EBF3: variants seen among roughly 807,000 people sequenced by gnomAD.
EBF3 encodes the protein EBF transcription factor 3, also known as transcription factor COE3.
A neutral mutation model predicts 77.1 loss-of-function variants in EBF3; 18 were observed. The ratio of observed to expected loss-of-function variants is 0.23; its 90% CI spans 0.16 to 0.35. EBF3 has a LOEUF of 0.35. EBF3 is among the 10% of genes least tolerant of loss of function. EBF3 has a pLI of 1.00. For missense variants in EBF3, 558 were observed against 860.0 expected (o/e 0.65, Z 4.39); for synonymous variants, 350 against 343.5 (o/e 1.02, Z -0.21).
At position 129,944,310 on chromosome 10, in the gene EBF3, T is replaced by G. The variant is rs1420214920; in HGVS notation, c.554+12948A>C. ...CCAGAGTGCACTGCCTTCAGAATATTGGCTTGGTGGCTGGACATGCAGGGA... is the reference window on the plus strand; with the variant it reads ...CCAGAGTGCACTGCCTTCAGAATATGGGCTTGGTGGCTGGACATGCAGGGA... On this transcript the variant is annotated intron_variant, in intron 6 of 16. Coordinates refer to ENST00000440978, the MANE Select transcript of EBF3 (RefSeq NM_001375380.1). This position sits in a 1 kb window ranked among gnomAD's most constrained non-coding sequence, Gnocchi z 5.1. 6.6e-6 allele frequency among the ~76,000 whole-genome samples: 1 copy of G among 152,202 alleles called. No individual in the cohort carries two copies. The highest frequency in any genetic ancestry group is 6.5e-5 in the Admixed American group (1 of 15,286).
chr10:129,926,272 C>A (rs1220669499), intron 6 of EBF3, among the ~76,000 whole-genome samples: 1 of 152,192 alleles, frequency 6.6e-6, no homozygotes, highest in Non-Finnish European at 1.5e-5. Context: ...TTGGCGCCAG[C>A]CCGCAAGAGC....
In EBF3 at chr10:129,841,043, C is replaced by A; in HGVS notation, c.1373-11G>T. The A allele has an allele frequency of 3.7e-6, 5 of 1,350,210 alleles. No homozygotes were observed. The South Asian group carries it at 3.8e-5, about 10-fold the overall frequency. The allele number at this position is 1,350,210 out of a possible 1,614,324, so 83.6% of individuals were successfully genotyped here. A position where few individuals can be genotyped will look rare whatever the true frequency, so the allele number is the denominator to read the frequency against. On this transcript the variant is annotated splice_polypyrimidine_tract_variant and intron_variant, in intron 13 of 16. Coordinates refer to ENST00000440978, the MANE Select transcript of EBF3 (RefSeq NM_001375380.1). This position sits in a 1 kb window ranked among gnomAD's most constrained non-coding sequence, Gnocchi z 4.6. Reference sequence around the variant, plus strand: ...TGCGACTGTAGCCGACTGTTGAAATCCCCCCCCCGGCCAAAAATAACATTA... The same window carrying A: ...TGCGACTGTAGCCGACTGTTGAAATACCCCCCCCGGCCAAAAATAACATTA...
chr10:129,900,312 A>AACTG (rs1233533382), intron 6 of EBF3, among the ~76,000 whole-genome samples: 8 of 152,218 alleles, frequency 5.3e-5, no homozygotes, highest in African/African-American at 1.9e-4. Flanking sequence ...TTTCCAGGAT[A>AACTG]ACTGAGCAGC....
chr10:129,936,081 A>G (rs921661111), intron 6 of EBF3, among the ~76,000 whole-genome samples: 4 of 152,194 alleles, frequency 2.6e-5, no homozygotes, highest in Non-Finnish European at 5.9e-5. Context: ...ATCAATTACA[A>G]TTGCTGCAAT....
chr10:129,959,592 GCTTCC>G (rs1225929576), intron 4 of EBF3, among the ~76,000 whole-genome samples: 6 of 151,154 alleles, frequency 4.0e-5, no homozygotes, highest in Non-Finnish European at 8.8e-5. Context: ...GCGCCCCGCG[GCTTCC>G]CGCGGCTTCC....
chr10:129,844,768 TAAAG>T (rs998253368), intron 11 of EBF3, among the ~76,000 whole-genome samples: 3 of 152,178 alleles, frequency 2.0e-5, no homozygotes, highest in African/African-American at 7.2e-5. Context: ...TGCATACAAA[TAAAG>T]AATTAGACTT....
At chr10:129,932,066 T>G (rs1857062227) in intron 6 of EBF3, among the ~76,000 whole-genome samples, 1 of 151,960 alleles carries the variant, frequency 6.6e-6, no homozygotes, top group Non-Finnish European at 1.5e-5. Flanking sequence ...TCCTTATCTC[T>G]CCCAGAGGAG....
At chr10:129,860,830 C>T (rs1336724153) in intron 10 of EBF3, among the ~76,000 whole-genome samples, 2 of 152,182 alleles carry the variant, frequency 1.3e-5, no homozygotes, top group Non-Finnish European at 2.9e-5. Context: ...TGCCTATGAT[C>T]CCACTGGAGG....
rs140082475 is a variant in EBF3 at position 129,880,355 on chromosome 10, ACACATGCC to A, written c.555-2514_555-2507del. Reference sequence around the variant, plus strand: ...TACATACACACACATGCCCACAGACACACATGCCCACATGCCCACACTTGCATACACAC... The same window carrying A: ...TACATACACACACATGCCCACAGACACACATGCCCACACTTGCATACACAC... On this transcript the variant is annotated intron_variant, in intron 6 of 16. Transcript: ENST00000440978. Among the ~76,000 whole-genome samples, 1,016 of 148,080 alleles carry A rather than the reference ACACATGCC, an allele frequency of 6.9e-3. 5 individuals carry two copies. Among genetic ancestry groups the A allele is most frequent in the East Asian group, 0.048 (249 of 5,170 alleles).
chr10:129,884,857 C>T (rs924566965), intron 6 of EBF3, among the ~76,000 whole-genome samples: 12 of 152,290 alleles, frequency 7.9e-5, no homozygotes, highest in Admixed American at 2.0e-4. Context: ...CTACTGTAGC[C>T]GAGCCCGTCT....
rs1433954162 is a variant in EBF3 at position 129,854,381 on chromosome 10, T to C, written c.1040-5901A>G. Among the ~76,000 whole-genome samples, 3 of 152,260 alleles carry C rather than the reference T, an allele frequency of 2.0e-5. No individual in the cohort carries two copies. In the South Asian group the frequency reaches 6.2e-4, roughly 32 times the overall value. ...GGAGTTTCAGGCGGCTGATGGCTCC[T>C]CACATGGATGAAAAGCGGCCAGGGC... On this transcript the variant is annotated intron_variant, in intron 10 of 16. Transcript: ENST00000440978.
intron 6 of EBF3, among the ~76,000 whole-genome samples, chr10:129,898,176 G>A (rs940075164): frequency 3.9e-5 from 6 of 152,246 alleles, no homozygotes; most frequent in Admixed American, 2.0e-4. Flanking sequence ...ACAGAAGCAA[G>A]AGAACAAGAC....
At chr10:129,859,979 C>T (rs992978857) in intron 10 of EBF3, among the ~76,000 whole-genome samples, 5 of 152,206 alleles carry the variant, frequency 3.3e-5, no homozygotes, top group Non-Finnish European at 7.3e-5. Flanking sequence ...CCTCTACCGA[C>T]ATGTTTGTGC....
intron 11 of EBF3, among the ~76,000 whole-genome samples, chr10:129,844,893 T>A (rs146667427): frequency 7.0e-4 from 106 of 152,328 alleles, no homozygotes; most frequent in Non-Finnish European, 1.1e-3. Flanking sequence ...TATTAATAAT[T>A]ACTCATAATC....
In EBF3 at chr10:129,841,140, T is replaced by A; in HGVS notation, c.1373-108A>T. ...ATATATTAACATTGCTAATTGACCCTGTGCTTTCCACCTGCTCTAGCGCCT... is the reference window on the plus strand; with the variant it reads ...ATATATTAACATTGCTAATTGACCCAGTGCTTTCCACCTGCTCTAGCGCCT... On this transcript the variant is annotated intron_variant, in intron 13 of 16. Transcript: ENST00000440978. The surrounding 1 kb of genome is among the most constrained non-coding windows in gnomAD (Gnocchi z 4.6). 1 of 1,422,922 alleles carries A rather than the reference T, an allele frequency of 7.0e-7. No homozygotes were observed. Among genetic ancestry groups the A allele is most frequent in the Non-Finnish European group, 9.4e-7 (1 of 1,060,404 alleles). The allele number at this position is 1,422,922 out of a possible 1,614,324, so 88.1% of individuals were successfully genotyped here. A position where few individuals can be genotyped will look rare whatever the true frequency, so the allele number is the denominator to read the frequency against.
intron 6 of EBF3, among the ~76,000 whole-genome samples, chr10:129,896,424 G>A (rs900324575): frequency 4.6e-5 from 7 of 152,122 alleles, no homozygotes; most frequent in Non-Finnish European, 8.8e-5. Context: ...TCCCGGCCAC[G>A]CGGCCACCGT....
At chr10:129,924,108 G>A (rs2134374718) in intron 6 of EBF3, among the ~76,000 whole-genome samples, 1 of 152,256 alleles carries the variant, frequency 6.6e-6, no homozygotes, top group Admixed American at 6.5e-5. Context: ...CCATTAGGAT[G>A]GCTGCTATCA....
chr10:129,920,841 G>C (rs913478993), intron 6 of EBF3, among the ~76,000 whole-genome samples: 2 of 152,174 alleles, frequency 1.3e-5, no homozygotes, highest in African/African-American at 4.8e-5. Flanking sequence ...GGGCAGAAGG[G>C]GGCACCAGGG....
intron 10 of EBF3, among the ~76,000 whole-genome samples, chr10:129,862,418 A>G (rs1389170981): frequency 1.3e-5 from 2 of 152,212 alleles, no homozygotes; most frequent in African/African-American, 2.4e-5. Flanking sequence ...AACTGGGTTC[A>G]GTCTGTCGCA....
Sources: gnomAD v4.1 joint callset for allele counts (sites outside exome capture counted in the v4.1 genomes callset) on GRCh38, gnomAD v4.1.1 for gene constraint, Gnocchi (gnomAD v3.1) non-coding constraint, MANE v1.5 for transcripts, NCBI Gene and HGNC (gene_info 2026-07-23, HGNC 2026-07-21) for gene names.